The following BNC2 variants were observed in gnomAD, a reference collection of about 807,000 sequenced individuals.
BNC2 encodes zinc finger protein basonuclin-2.
BNC2 carries 20 observed loss-of-function variants against 76.3 expected under a neutral mutation model. That is an observed-to-expected ratio of 0.26 (90% confidence interval 0.18 to 0.38). BNC2 has a LOEUF of 0.38. Among genes scored for constraint, BNC2 ranks in the 10% least tolerant of loss-of-function variants. The pLI is 1.00. For missense variants in BNC2, 1,382 were observed against 1,399.8 expected (o/e 0.99, Z 0.20); for synonymous variants, 582 against 514.8 (o/e 1.13, Z -1.77).
At chr9:16,530,006 C>T (rs948703803) in intron 5 of BNC2, among the ~76,000 whole-genome samples, 1 of 152,034 alleles carries the variant, frequency 6.6e-6, no homozygotes, top group South Asian at 2.1e-4. Context: ...GACCACCATG[C>T]CCAGCTAATT....
intron 3 of BNC2, among the ~76,000 whole-genome samples, chr9:16,700,482 T>A (rs1233350916): frequency 1.3e-5 from 2 of 152,172 alleles, no homozygotes; most frequent in East Asian, 3.9e-4. Flanking sequence ...CTGCACTCCA[T>A]CCCAAGCAAC....
intron 5 of BNC2, among the ~76,000 whole-genome samples, chr9:16,547,745 T>C (rs2149157): frequency 0.3 from 46,347 of 152,004 alleles, 8,613 homozygotes; most frequent in Non-Finnish European, 0.42. Context: ...AAATAGCTCA[T>C]GTGGGAGAAG....
chr9:16,855,060 G>A (rs1819219502), intron 1 of BNC2, among the ~76,000 whole-genome samples: 1 of 151,614 alleles, frequency 6.6e-6, no homozygotes, highest in Non-Finnish European at 1.5e-5. Context: ...AGGAGAAGAC[G>A]TACTAATCAT....
chr9:16,759,279 T>A (rs377231960), intron 1 of BNC2, among the ~76,000 whole-genome samples: 1 of 152,204 alleles, frequency 6.6e-6, no homozygotes, highest in African/African-American at 2.4e-5. Flanking sequence ...GATAAGGGTC[T>A]TTTTCCACAG....
intron 3 of BNC2, among the ~76,000 whole-genome samples, chr9:16,723,890 A>C (rs548037747): frequency 3.9e-5 from 6 of 152,200 alleles, no homozygotes; most frequent in South Asian, 4.1e-4. Flanking sequence ...GTCACTACTA[A>C]TAATATTTGC....
chr9:16,570,957 T>C (rs1819305866), intron 4 of BNC2, among the ~76,000 whole-genome samples: 1 of 152,242 alleles, frequency 6.6e-6, no homozygotes, highest in Non-Finnish European at 1.5e-5. Flanking sequence ...TTGATCATGA[T>C]AGTAACCCTA....
chr9:16,471,954 G>A (rs1821834933), intron 5 of BNC2, among the ~76,000 whole-genome samples: 1 of 152,128 alleles, frequency 6.6e-6, no homozygotes, highest in Non-Finnish European at 1.5e-5. Context: ...AGGGCTTTCT[G>A]CTTTTGCTTC....
chr9:16,452,475 T>C (rs754960683), intron 5 of BNC2, among the ~76,000 whole-genome samples: 1 of 152,180 alleles, frequency 6.6e-6, no homozygotes, highest in Non-Finnish European at 1.5e-5. Context: ...CAGGCTGGAA[T>C]GCAGTGGCAC....
At chr9:16,567,697 C>T in intron 4 of BNC2, among the ~76,000 whole-genome samples, 1 of 152,014 alleles carries the variant, frequency 6.6e-6, no homozygotes, top group East Asian at 1.9e-4. Context: ...TCTTAGTTTT[C>T]CACAACTTTT....
At chr9:16,716,648 A>C (rs933070035) in intron 3 of BNC2, among the ~76,000 whole-genome samples, 9 of 152,228 alleles carry the variant, frequency 5.9e-5, no homozygotes, top group African/African-American at 2.2e-4. Flanking sequence ...TCTCTGACGT[A>C]TTACTACAGT....
chr9:16,574,556 A>C (rs1212211848), intron 4 of BNC2, among the ~76,000 whole-genome samples: 1 of 152,192 alleles, frequency 6.6e-6, no homozygotes, highest in Non-Finnish European at 1.5e-5. Flanking sequence ...AATTTCACCT[A>C]CGGAACACTT....
chr9:16,650,536 AT>A (rs1295936987), intron 3 of BNC2, among the ~76,000 whole-genome samples: 1 of 152,120 alleles, frequency 6.6e-6, no homozygotes, highest in Non-Finnish European at 1.5e-5. Context: ...AGTAGAAAAG[AT>A]TATTTCAAAA....
chr9:16,802,235 T>C (rs756780074), intron 1 of BNC2, among the ~76,000 whole-genome samples: 1 of 152,148 alleles, frequency 6.6e-6, no homozygotes, highest in South Asian at 2.1e-4. Context: ...AGAAGAGAGA[T>C]AGTAATTATT....
rs1820601981 is a variant in BNC2, at chr9:16,417,186, T to C, written c.*1803A>G. ...AAAAAGACAACAAAACAGTCTGCAA[T>C]GCACACCCTAATGGTTTTGGCTGCA... On this transcript the variant is annotated 3_prime_UTR_variant, in exon 7 of 7. Transcript: ENST00000380672. 6.6e-6 allele frequency: 1 copy of C among 152,288 alleles called. No homozygotes were observed. Among genetic ancestry groups the C allele is most frequent in the Admixed American group, 6.6e-5 (1 of 15,242 alleles). The allele number at this position is 152,288 out of a possible 1,614,324, so 9.4% of individuals were successfully genotyped here. A position where few individuals can be genotyped will look rare whatever the true frequency, so the allele number is the denominator to read the frequency against.
chr9:16,765,147 C>T (rs897605644), intron 1 of BNC2, among the ~76,000 whole-genome samples: 9 of 152,096 alleles, frequency 5.9e-5, no homozygotes, highest in Non-Finnish European at 1.3e-4. Context: ...ATTTAGTATT[C>T]TAGACCCATT....
At chr9:16,523,682 C>G (rs182153527) in intron 5 of BNC2, among the ~76,000 whole-genome samples, 73 of 152,090 alleles carry the variant, frequency 4.8e-4, no homozygotes, top group Middle Eastern at 3.4e-3. Context: ...AATCCCAACA[C>G]CAGAGGCCGA....
chr9:16,685,576 A>G (rs1457073601), intron 3 of BNC2: 1 of 1,304,300 alleles, frequency 7.7e-7, no homozygotes, highest in East Asian at 5.6e-5. Context: ...TGGCTCCTCC[A>G]GGTTTGGGCA....
At chr9:16,718,087 A>G (rs1038936929) in intron 3 of BNC2, among the ~76,000 whole-genome samples, 4 of 152,236 alleles carry the variant, frequency 2.6e-5, no homozygotes, top group African/African-American at 4.8e-5. Context: ...CTTCCTATCA[A>G]CAGATTAACA....
rs113899305 is a variant in BNC2 at position 16,562,386 on chromosome 9, T to G, written c.434-9621A>C. On this transcript the variant is annotated intron_variant, in intron 4 of 6. Transcript: ENST00000380672. ...AGCAAATGTAAGTGATGCCCACTCT[T>G]TTAATTTTAGTTTGAATATTTTCCT... is the stretch of plus-strand genomic sequence containing the variant. Among the ~76,000 whole-genome samples, 8 of 152,334 alleles carry G rather than the reference T, an allele frequency of 5.3e-5. 1 individual carries two copies. Among genetic ancestry groups the G allele is most frequent in the African/African-American group, 1.9e-4 (8 of 41,584 alleles).
Sources: allele counts gnomAD v4.1 joint callset (sites outside exome capture counted in the v4.1 genomes callset), GRCh38; gene constraint gnomAD v4.1.1; transcripts MANE v1.5; gene names NCBI Gene and HGNC (gene_info 2026-07-23, HGNC 2026-07-21).